EPHB2: variants seen among roughly 807,000 people sequenced by gnomAD.
The protein encoded by EPHB2 is ephrin type-B receptor 2.
Under a neutral mutation model 96.4 loss-of-function variants are expected in EPHB2, and 18 were observed. The observed-to-expected ratio is 0.19, with a 90% CI of 0.13 to 0.28. The LOEUF (loss-of-function observed/expected upper bound fraction) is 0.28. EPHB2 is among the 10% of genes least tolerant of loss of function. The probability of loss-of-function intolerance (pLI) is 1.00; values close to 1 mark genes in which losing one functional copy is unlikely to be tolerated. For missense variants in EPHB2, 989 were observed against 1,355.4 expected (o/e 0.73, Z 4.25); for synonymous variants, 506 against 534.1 (o/e 0.95, Z 0.72).
In EPHB2 at chr1:22,871,424, C is replaced by T. The variant is rs947716486; in HGVS notation, c.1303+6212C>T. On this transcript the variant is annotated intron_variant, in intron 5 of 15. Coordinates refer to ENST00000374630, the MANE Select transcript of EPHB2 (RefSeq NM_017449.5). ...TCATGTTGCAGAAAGGGCATCAGAG[C>T]GGGGCCTGACAAATTCAGCCCCCAT... Among the ~76,000 whole-genome samples, 4 of 152,176 alleles carry T rather than the reference C, an allele frequency of 2.6e-5. No individual in the cohort carries two copies. The South Asian group carries it at 6.2e-4, about 24-fold the overall frequency.
At chr1:22,867,602 T>C (rs1638521576) in intron 5 of EPHB2, among the ~76,000 whole-genome samples, 1 of 152,202 alleles carries the variant, frequency 6.6e-6, no homozygotes, top group Non-Finnish European at 1.5e-5. Context: ...CCGGTCACAG[T>C]GGCTCATGCC....
At chr1:22,736,996 C>T (rs561854610) in intron 1 of EPHB2, among the ~76,000 whole-genome samples, 17 of 152,166 alleles carry the variant, frequency 1.1e-4, no homozygotes, top group Non-Finnish European at 4.4e-5. Flanking sequence ...TCCCCCAGGC[C>T]TCCAGGTGTC....
chr1:22,910,592 G>A lies in EPHB2; in HGVS notation c.2696+17G>A. On this transcript the variant is annotated intron_variant, in intron 14 of 15. Coordinates refer to ENST00000374630, the MANE Select transcript of EPHB2 (RefSeq NM_017449.5). ...CTCCTCTGGGTAAGGCCCCACCCTGGCCCTGCCCCAGCCAGGCCCTGCCCC... is the reference window on the plus strand; with the variant it reads ...CTCCTCTGGGTAAGGCCCCACCCTGACCCTGCCCCAGCCAGGCCCTGCCCC... 3 of 1,613,258 alleles carry A rather than the reference G, an allele frequency of 1.9e-6. No individual in the cohort carries two copies. The African/African-American group carries it at 4.0e-5, about 22-fold the overall frequency.
At chr1:22,739,713 C>G (rs1316224487) in intron 1 of EPHB2, among the ~76,000 whole-genome samples, 3 of 152,264 alleles carry the variant, frequency 2.0e-5, no homozygotes, top group East Asian at 3.9e-4. Context: ...TTCTGGGGTC[C>G]CAGGCAGGTG....
At chr1:22,792,590 C>T (rs1167787941) in intron 3 of EPHB2, among the ~76,000 whole-genome samples, 1 of 152,194 alleles carries the variant, frequency 6.6e-6, no homozygotes, top group African/African-American at 2.4e-5. Context: ...TCCATCCATC[C>T]ATCCATCCAT....
chr1:22,885,224 C>A (rs1395491990), intron 6 of EPHB2, among the ~76,000 whole-genome samples: 2 of 149,558 alleles, frequency 1.3e-5, no homozygotes. Flanking sequence ...CCCCAAAAGG[C>A]AAAAAAAAAA....
At chr1:22,806,884 C>A (rs1193355579) in intron 3 of EPHB2, among the ~76,000 whole-genome samples, 2 of 151,056 alleles carry the variant, frequency 1.3e-5, no homozygotes, top group African/African-American at 2.4e-5. Flanking sequence ...CTTTGTGGGC[C>A]CCCCCTCGTC....
At chr1:22,877,646 G>A (rs923406623) in intron 5 of EPHB2, among the ~76,000 whole-genome samples, 1 of 152,178 alleles carries the variant, frequency 6.6e-6, no homozygotes, top group African/African-American at 2.4e-5. Flanking sequence ...GGTGAGGGGG[G>A]CAGGCTCAGC....
At chr1:22,791,471 C>CT (rs55650452) in intron 3 of EPHB2, among the ~76,000 whole-genome samples, 3,416 of 92,864 alleles carry the variant, frequency 0.037, 77 homozygotes, top group East Asian at 0.16. Flanking sequence ...TTCTTTCTTT[C>CT]TTTTTTTTTT....
intron 1 of EPHB2, among the ~76,000 whole-genome samples, chr1:22,720,673 C>CCCCCG (rs1389860328): frequency 8.2e-6 from 1 of 122,402 alleles, no homozygotes; most frequent in East Asian, 3.1e-4. Context: ...CCCCCCCCCC[C>CCCCCG]GCCCCAGCAC....
At chr1:22,856,170 G>C (rs1645695434) in intron 3 of EPHB2, among the ~76,000 whole-genome samples, 1 of 152,194 alleles carries the variant, frequency 6.6e-6, no homozygotes, top group South Asian at 2.1e-4. Flanking sequence ...GGGGAGCAGA[G>C]GCAGCAGGCC....
At position 22,910,348 on chromosome 1, in the gene EPHB2, C is replaced by T. The variant is rs573493316; in HGVS notation, c.2503-34C>T. The T allele has an allele frequency of 1.1e-4, 180 of 1,613,400 alleles. 3 individuals carry two copies. In the South Asian group the frequency reaches 1.9e-3, roughly 17 times the overall value. ...AGAGGGTAGACGCCCTCAGCCCATC[C>T]ACCCAACCCCACTGCACTCCTGCAT... On this transcript the variant is annotated intron_variant, in intron 13 of 15. Transcript: ENST00000374630.
intron 4 of EPHB2, among the ~76,000 whole-genome samples, chr1:22,863,796 T>C (rs1268075977): frequency 6.6e-6 from 1 of 152,238 alleles, no homozygotes; most frequent in Non-Finnish European, 1.5e-5. Context: ...CCTAGCTCAC[T>C]GCAGCCTCAA....
intron 9 of EPHB2, among the ~76,000 whole-genome samples, chr1:22,899,607 G>T (rs1464914920): frequency 6.6e-6 from 1 of 152,112 alleles, no homozygotes; most frequent in Non-Finnish European, 1.5e-5. Flanking sequence ...AAATAGAAAA[G>T]GACCTTCTAA....
At position 22,813,102 on chromosome 1, in the gene EPHB2, T is replaced by A. The variant is rs1645025711; in HGVS notation, c.811+28026T>A. Among the ~76,000 whole-genome samples, 3 of 152,214 alleles carry A rather than the reference T, an allele frequency of 2.0e-5. No homozygotes were observed. In the South Asian group the frequency reaches 6.2e-4, roughly 32 times the overall value. On this transcript the variant is annotated intron_variant, in intron 3 of 15. Coordinates refer to ENST00000374630, the MANE Select transcript of EPHB2 (RefSeq NM_017449.5). The stretch of plus-strand genomic sequence containing the variant: ...AGTATCATACTCTGTTATAATTCTA[T>A]AAAGTCTAGCACCTACCTAGTACTT...
intron 1 of EPHB2, among the ~76,000 whole-genome samples, chr1:22,741,182 CT>C (rs1643897565): frequency 6.6e-6 from 1 of 152,096 alleles, no homozygotes; most frequent in Admixed American, 6.5e-5. Flanking sequence ...CCCCCGACCC[CT>C]ATCCTCTGAT....
At chr1:22,800,517 C>T (rs555737325) in intron 3 of EPHB2, among the ~76,000 whole-genome samples, 2 of 152,310 alleles carry the variant, frequency 1.3e-5, no homozygotes, top group African/African-American at 4.8e-5. Context: ...TCTGTGTGTA[C>T]ACGCCACTGC....
Position 22,908,072 on chromosome 1 carries a change from C to A in EPHB2, c.2256C>A (p.Ile752=), listed in dbSNP as rs766611320. 1.9e-6 allele frequency: 3 copies of A among 1,614,148 alleles called. No homozygotes were observed. Among genetic ancestry groups the A allele is most frequent in the Non-Finnish European group, 2.5e-6 (3 of 1,180,058 alleles). ...YVHRDLAARN[I]LVNSNLVCKV... ...ACCGTGACCTGGCTGCCCGCAACAT[C>A]CTCGTCAACAGCAACCTGGTCTGCA... The change falls in exon 12 of 16, where the codon ATC becomes ATA. Residue 752 remains isoleucine (I), a synonymous_variant. Transcript: ENST00000374630.
At chr1:22,745,522 C>G (rs1198145703) in intron 1 of EPHB2, among the ~76,000 whole-genome samples, 1 of 152,158 alleles carries the variant, frequency 6.6e-6, no homozygotes, top group South Asian at 2.1e-4. Context: ...AGACATTCAT[C>G]AAGCTGTACA....
Sources: allele counts gnomAD v4.1 joint callset (sites outside exome capture counted in the v4.1 genomes callset), GRCh38; gene constraint gnomAD v4.1.1; transcripts MANE v1.5; gene names NCBI Gene and HGNC (gene_info 2026-07-23, HGNC 2026-07-21).